Variants in HS6ST2 observed in about 807,000 individuals in gnomAD.
HS6ST2 encodes the protein heparan-sulfate 6-O-sulfotransferase 2.
In HS6ST2, 17 loss-of-function variants were observed where a neutral mutation model predicts 33.0. The ratio of observed to expected loss-of-function variants is 0.52; its 90% CI spans 0.35 to 0.77. HS6ST2 has a LOEUF of 0.77. Ranked by LOEUF, HS6ST2 falls within the 30% of genes least tolerant of loss-of-function variation. HS6ST2 has a pLI of 0.01. For missense variants in HS6ST2, 519 were observed against 551.7 expected (o/e 0.94, Z 0.59); for synonymous variants, 248 against 237.1 (o/e 1.05, Z -0.42).
chrX:132,679,040 A>C (rs1218550123), intron 3 of HS6ST2, among the ~76,000 whole-genome samples: 1 of 112,045 alleles, frequency 8.9e-6, no homozygotes, highest in Admixed American at 9.5e-5. Flanking sequence ...TAAGGTCCAG[A>C]GAGAAGGGAT....
intron 2 of HS6ST2, among the ~76,000 whole-genome samples, chrX:132,792,021 A>G (rs2065123221): frequency 8.9e-6 from 1 of 112,454 alleles, no homozygotes; most frequent in Admixed American, 9.4e-5. Context: ...TATAAACATT[A>G]AAAATTACTT....
intron 2 of HS6ST2, among the ~76,000 whole-genome samples, chrX:132,821,374 A>G (rs1024573522): frequency 5.7e-4 from 62 of 109,246 alleles, no homozygotes; most frequent in Non-Finnish European, 1.0e-3. Flanking sequence ...CACCACGCCC[A>G]GCTAATTTTT....
At chrX:132,929,926 TC>T (rs1191224487) in intron 2 of HS6ST2, among the ~76,000 whole-genome samples, 3 of 110,946 alleles carry the variant, frequency 2.7e-5, no homozygotes, top group African/African-American at 9.8e-5. Flanking sequence ...AGACCCCTCT[TC>T]CCCCAGAGAC....
chrX:132,840,220 CT>C (rs1223274698), intron 2 of HS6ST2, among the ~76,000 whole-genome samples: 1 of 111,747 alleles, frequency 8.9e-6, no homozygotes, highest in Non-Finnish European at 1.9e-5. Flanking sequence ...AAACAAGTAT[CT>C]TTAGTTCTAA....
chrX:132,654,037 C>A (rs1603292584), intron 4 of HS6ST2, among the ~76,000 whole-genome samples: 1 of 111,374 alleles, frequency 9.0e-6, no homozygotes, highest in African/African-American at 3.3e-5. Context: ...TAAATAAGTT[C>A]TGGGAATCTA....
intron 2 of HS6ST2, among the ~76,000 whole-genome samples, chrX:132,942,986 C>T (rs2066903478): frequency 8.9e-6 from 1 of 112,053 alleles, no homozygotes; most frequent in African/African-American, 3.2e-5. Flanking sequence ...TCTCTAGCGC[C>T]TTTTTTCATT....
rs148446345 is a variant in HS6ST2, at chrX:132,755,483, T to A, written c.948-46989A>T. ...AAACAAGATTTGGATTCTACTTGAA[T>A]AAATGATATTTAAGGCAATGGTTTT... On this transcript the variant is annotated intron_variant, in intron 2 of 4. Transcript: ENST00000370833. 9.2e-4 allele frequency among the ~76,000 whole-genome samples: 87 copies of A among 94,389 alleles called. 2 individuals are homozygous for A. The East Asian group carries it at 0.027, about 30-fold the overall frequency. 82.0% of individuals were successfully genotyped at this position (94,389 alleles called of 115,157 possible).
At chrX:132,935,948 G>T (rs921004944) in intron 2 of HS6ST2, among the ~76,000 whole-genome samples, 3 of 108,040 alleles carry the variant, frequency 2.8e-5, no homozygotes, top group African/African-American at 1.0e-4. Context: ...ATACTGAAAA[G>T]GGAAGAACAC....
chrX:132,716,665 A>T (rs950333414), intron 2 of HS6ST2, among the ~76,000 whole-genome samples: 1 of 112,464 alleles, frequency 8.9e-6, no homozygotes, highest in South Asian at 3.7e-4. Flanking sequence ...TTTTTGACTT[A>T]AAGGAAAGAA....
intron 2 of HS6ST2, among the ~76,000 whole-genome samples, chrX:132,810,798 G>A (rs1374215863): frequency 1.8e-5 from 2 of 112,203 alleles, no homozygotes; most frequent in African/African-American, 6.5e-5. Context: ...GAGAGGCCAC[G>A]TAGAGCAGAT....
chrX:132,806,391 T>G (rs2065283814), intron 2 of HS6ST2, among the ~76,000 whole-genome samples: 1 of 110,034 alleles, frequency 9.1e-6, no homozygotes, highest in Admixed American at 9.8e-5. Flanking sequence ...ATTTCTTCCT[T>G]TGTAAATCAC....
chrX:132,922,996 T>C (rs757805191), intron 2 of HS6ST2, among the ~76,000 whole-genome samples: 9 of 99,000 alleles, frequency 9.1e-5, no homozygotes, highest in Non-Finnish European at 1.6e-4. Flanking sequence ...CTGGGAGGCA[T>C]AGGTTGCAGT....
chrX:132,644,672 C>CTGGTGGTTAATTGA (rs1230665152), intron 4 of HS6ST2, among the ~76,000 whole-genome samples: 2 of 111,499 alleles, frequency 1.8e-5, no homozygotes, highest in Non-Finnish European at 3.8e-5. Flanking sequence ...GGAACTCAGA[C>CTGGTGGTTAATTGA]TGGTGGGTTA....
chrX:132,869,857 A>G (rs1386267628), intron 2 of HS6ST2, among the ~76,000 whole-genome samples: 1 of 111,915 alleles, frequency 8.9e-6, no homozygotes, highest in Non-Finnish European at 1.9e-5. Flanking sequence ...AAACTGGCAC[A>G]AGACAAGGAT....
intron 2 of HS6ST2, among the ~76,000 whole-genome samples, chrX:132,854,854 T>TTTCAAATCAGACGAACC (rs1569497260): frequency 2.1e-4 from 23 of 110,679 alleles, no homozygotes; most frequent in African/African-American, 7.3e-4. Context: ...ACAGACGAAC[T>TTTCAAATCAGACGAACC]GAATTTCAAA....
chrX:132,888,970 G>A (rs940998266), intron 2 of HS6ST2, among the ~76,000 whole-genome samples: 4 of 110,717 alleles, frequency 3.6e-5, no homozygotes, highest in African/African-American at 1.3e-4. Context: ...ATCCCCTAAG[G>A]TGAGGAGCAA....
rs1402889276 is a variant in HS6ST2 at position 132,787,175 on chromosome X, A to ATATGTG, written c.948-78682_948-78681insCACATA. Among the ~76,000 whole-genome samples, 210 of 81,960 alleles carry ATATGTG rather than the reference A, an allele frequency of 2.6e-3. 6 individuals are homozygous for ATATGTG. Among genetic ancestry groups the ATATGTG allele is most frequent in the African/African-American group, 0.01 (193 of 18,610 alleles). 71.2% of individuals were successfully genotyped at this position (81,960 alleles called of 115,157 possible). ...TGTGTGTATATATATATGTATATATATATATATATATACATATATATATAC... is the reference window on the plus strand; with the variant it reads ...TGTGTGTATATATATATGTATATATATATGTGTATATATATATACATATATATATAC... On this transcript the variant is annotated intron_variant, in intron 2 of 4. Coordinates refer to ENST00000370833, the MANE Select transcript of HS6ST2 (RefSeq NM_001394073.1).
At chrX:132,926,928 C>T (rs1448511055) in intron 2 of HS6ST2, among the ~76,000 whole-genome samples, 1 of 110,606 alleles carries the variant, frequency 9.0e-6, no homozygotes, top group Non-Finnish European at 1.9e-5. Flanking sequence ...GTCTCAAAAA[C>T]AAAACAAAAC....
intron 2 of HS6ST2, among the ~76,000 whole-genome samples, chrX:132,924,770 G>A (rs1024299048): frequency 1.8e-5 from 2 of 111,952 alleles, no homozygotes; most frequent in African/African-American, 3.2e-5. Context: ...TAGGCAGATC[G>A]CTTGAGCTCA....
Sources: gnomAD v4.1 joint callset for allele counts (sites outside exome capture counted in the v4.1 genomes callset) on GRCh38, gnomAD v4.1.1 for gene constraint, MANE v1.5 for transcripts, NCBI Gene and HGNC (gene_info 2026-07-23, HGNC 2026-07-21) for gene names.